The following GRIK2 variants were observed in gnomAD, a reference collection of about 807,000 sequenced individuals.
GRIK2 encodes the protein glutamate ionotropic receptor kainate type subunit 2.
In GRIK2, 32 loss-of-function variants were observed where a neutral mutation model predicts 100.3. The ratio of observed to expected loss-of-function variants is 0.32; its 90% CI spans 0.24 to 0.43. The LOEUF (loss-of-function observed/expected upper bound fraction) is 0.43. Among genes scored for constraint, GRIK2 ranks in the 20% least tolerant of loss-of-function variants. The pLI, the probability that GRIK2 is intolerant of heterozygous loss-of-function variation, is 1.00. For missense variants in GRIK2, 843 were observed against 1,114.9 expected (o/e 0.76, Z 3.47); for synonymous variants, 417 against 389.4 (o/e 1.07, Z -0.83).
At chr6:101,446,113 C>T (rs1378468464) in intron 2 of GRIK2, among the ~76,000 whole-genome samples, 2 of 151,910 alleles carry the variant, frequency 1.3e-5, no homozygotes, top group Non-Finnish European at 2.9e-5. Flanking sequence ...TTCCTGTTGG[C>T]CTTGGTAACC....
At chr6:101,950,454 G>C (rs776704551) in intron 14 of GRIK2, among the ~76,000 whole-genome samples, 1 of 152,108 alleles carries the variant, frequency 6.6e-6, no homozygotes, top group Non-Finnish European at 1.5e-5. Flanking sequence ...ATCCAAAATT[G>C]TTGTTTTGTG....
In GRIK2 at chr6:101,904,908, A is replaced by G. The variant is rs79783163; in HGVS notation, c.1748+15045A>G. ...ATTTCATCCACAGTTGTGAAACTAT[A>G]CATTTTTTACGATTATAATCTTTTT... is the stretch of plus-strand genomic sequence containing the variant. On this transcript the variant is annotated intron_variant, in intron 12 of 16. Coordinates refer to ENST00000369134, the MANE Select transcript of GRIK2 (RefSeq NM_021956.5). 4.3e-3 allele frequency among the ~76,000 whole-genome samples: 657 copies of G among 151,640 alleles called. 3 individuals carry two copies. Among genetic ancestry groups the G allele is most frequent in the African/African-American group, 0.015 (626 of 41,498 alleles).
At chr6:101,703,930 T>C (rs1773076218) in intron 7 of GRIK2, among the ~76,000 whole-genome samples, 1 of 151,678 alleles carries the variant, frequency 6.6e-6, no homozygotes, top group Non-Finnish European at 1.5e-5. Flanking sequence ...TTTTCTCCAT[T>C]TTATTAGTGA....
Position 101,791,221 on chromosome 6 carries a change from G to T in GRIK2, c.952-8427G>T, listed in dbSNP as rs186426483. 2.6e-5 allele frequency among the ~76,000 whole-genome samples: 4 copies of T among 152,224 alleles called. No homozygotes were observed. The East Asian group carries it at 5.8e-4, about 22-fold the overall frequency. ...TGTCTATTTCCTTCAGTTCTGCTCT[G>T]ATTTTAGTTGTTTCTTGCCTTCTGC... On this transcript the variant is annotated intron_variant, in intron 7 of 16. Coordinates refer to ENST00000369134, the MANE Select transcript of GRIK2 (RefSeq NM_021956.5).
intron 7 of GRIK2, among the ~76,000 whole-genome samples, chr6:101,793,546 C>T (rs1197217134): frequency 6.6e-6 from 1 of 152,152 alleles, no homozygotes; most frequent in Admixed American, 6.5e-5. Flanking sequence ...GCGAATGCTG[C>T]TGTCTGATCG....
chr6:101,807,087 C>T (rs1583187792), intron 9 of GRIK2, among the ~76,000 whole-genome samples: 1 of 152,070 alleles, frequency 6.6e-6, no homozygotes, highest in East Asian at 1.9e-4. Context: ...ATACTTCACA[C>T]AGAACGCTTA....
intron 2 of GRIK2, among the ~76,000 whole-genome samples, chr6:101,404,242 G>A (rs1356595923): frequency 6.6e-6 from 1 of 152,152 alleles, no homozygotes; most frequent in South Asian, 2.1e-4. Context: ...TACTCAGCAC[G>A]GGAAAGTTAA....
chr6:101,654,088 A>G (rs1447668272), intron 4 of GRIK2, among the ~76,000 whole-genome samples: 2 of 152,314 alleles, frequency 1.3e-5, no homozygotes, highest in Non-Finnish European at 2.9e-5. Context: ...TCTACTTCAC[A>G]GTAGCTGCCT....
At chr6:101,849,883 G>A (rs553693303) in intron 10 of GRIK2, among the ~76,000 whole-genome samples, 1 of 127,850 alleles carries the variant, frequency 7.8e-6, no homozygotes, top group East Asian at 2.8e-4. Flanking sequence ...GCACCATTAG[G>A]TAATATTTTC....
chr6:102,055,282 G>T, intron 15 of GRIK2, 48 bp from the exon 16 acceptor site: 1 of 1,452,792 alleles, frequency 6.9e-7, no homozygotes, highest in Non-Finnish European at 9.5e-7. Context: ...CTTTAATTAT[G>T]AAATTTCAGG....
rs192611477 is a variant in GRIK2, at chr6:101,551,618, C to A, written c.116-70331C>A. The stretch of plus-strand genomic sequence containing the variant: ...ATTTGTTGTGGACTCAGCATGTGTC[C>A]CGCACTGTTCTGGACTCTTGGAACA... On this transcript the variant is annotated intron_variant, in intron 2 of 16. Transcript: ENST00000369134. Among the ~76,000 whole-genome samples, 52 of 152,092 alleles carry A rather than the reference C, an allele frequency of 3.4e-4. No individual in the cohort carries two copies. The East Asian group carries it at 9.3e-3, about 27-fold the overall frequency.
At chr6:101,804,118 T>G (rs2128415375) in intron 9 of GRIK2, among the ~76,000 whole-genome samples, 1 of 152,054 alleles carries the variant, frequency 6.6e-6, no homozygotes, top group African/African-American at 2.4e-5. Flanking sequence ...ATATAATTTC[T>G]GATAAAAGAT....
chr6:101,830,680 A>G (rs1432713099), intron 10 of GRIK2, among the ~76,000 whole-genome samples: 1 of 151,742 alleles, frequency 6.6e-6, no homozygotes, highest in African/African-American at 2.4e-5. Flanking sequence ...CACACCAGTC[A>G]GAATGGCTAT....
intron 14 of GRIK2, among the ~76,000 whole-genome samples, chr6:101,990,992 T>C (rs536489172): frequency 2.8e-4 from 42 of 151,944 alleles, no homozygotes; most frequent in Middle Eastern, 3.4e-3. Context: ...ACAAAAGATA[T>C]CATGGAAAGA....
intron 7 of GRIK2, among the ~76,000 whole-genome samples, chr6:101,694,956 A>G (rs918414822): frequency 1.1e-4 from 16 of 150,026 alleles, no homozygotes; most frequent in Admixed American, 2.0e-4. Flanking sequence ...TTACATTTAT[A>G]TATGATTTTA....
At chr6:101,587,624 TTAAG>T (rs1193729444) in intron 2 of GRIK2, among the ~76,000 whole-genome samples, 1 of 152,084 alleles carries the variant, frequency 6.6e-6, no homozygotes, top group Non-Finnish European at 1.5e-5. Context: ...AAAAGCAAAT[TTAAG>T]TATTGATGTT....
intron 14 of GRIK2, among the ~76,000 whole-genome samples, chr6:101,999,524 A>G (rs1405984720): frequency 1.3e-5 from 2 of 152,126 alleles, no homozygotes; most frequent in African/African-American, 4.8e-5. Flanking sequence ...TTTTGTAGAA[A>G]CACAATTGAT....
intron 2 of GRIK2, among the ~76,000 whole-genome samples, chr6:101,590,392 T>C (rs1264420427): frequency 6.6e-6 from 1 of 152,096 alleles, no homozygotes; most frequent in Non-Finnish European, 1.5e-5. Flanking sequence ...GATTCCTTTT[T>C]TCTTTGTAGA....
intron 15 of GRIK2, among the ~76,000 whole-genome samples, chr6:102,053,824 AAAT>A (rs1771331390): frequency 6.6e-6 from 1 of 152,184 alleles, no homozygotes; most frequent in East Asian, 1.9e-4. Context: ...CTCAACAGGT[AAAT>A]AATAATACCA....
Sources: allele counts gnomAD v4.1 joint callset (sites outside exome capture counted in the v4.1 genomes callset), GRCh38; gene constraint gnomAD v4.1.1; transcripts MANE v1.5; gene names NCBI Gene and HGNC (gene_info 2026-07-23, HGNC 2026-07-21).